Variants in SEMA3A observed in about 807,000 individuals in gnomAD.
SEMA3A encodes semaphorin-3A.
In SEMA3A, 29 loss-of-function variants were observed where a neutral mutation model predicts 97.9. That is an observed-to-expected ratio of 0.30 (90% CI 0.22 to 0.40). The LOEUF (loss-of-function observed/expected upper bound fraction) is 0.40, where lower values mean the gene tolerates loss of function less well. Ranked by LOEUF, SEMA3A falls within the 10% of genes least tolerant of loss-of-function variation. The pLI, the probability that SEMA3A is intolerant of heterozygous loss-of-function variation, is 1.00. For synonymous variants in SEMA3A, 321 were observed against 323.7 expected (o/e 0.99, Z 0.09); for missense variants, 763 against 951.3 (o/e 0.80, Z 2.60).
At chr7:84,182,017 T>C (rs1321936920) in intron 1 of SEMA3A, among the ~76,000 whole-genome samples, 1 of 152,160 alleles carries the variant, frequency 6.6e-6, no homozygotes, top group African/African-American at 2.4e-5. Context: ...TAATGACGTC[T>C]AGATTTCTCA....
intron 3 of SEMA3A, among the ~76,000 whole-genome samples, chr7:84,284,719 G>T (rs1313470175): frequency 6.6e-6 from 1 of 152,128 alleles, no homozygotes; most frequent in Non-Finnish European, 1.5e-5. Flanking sequence ...GATAACAAGG[G>T]TCATGAAGGA....
chr7:84,248,309 T>A (rs1031778868), intron 3 of SEMA3A, among the ~76,000 whole-genome samples: 15 of 152,362 alleles, frequency 9.8e-5, no homozygotes, highest in Admixed American at 9.2e-4. Flanking sequence ...AATGGATTTT[T>A]TTAAGGTACT....
intron 1 of SEMA3A, among the ~76,000 whole-genome samples, chr7:84,179,906 T>C (rs1371442389): frequency 6.8e-6 from 1 of 146,992 alleles, no homozygotes; most frequent in Non-Finnish European, 1.5e-5. Context: ...GAGTTTTCTC[T>C]CTTCTGGCAA....
At chr7:84,314,396 T>A (rs1801443271) in intron 2 of SEMA3A, among the ~76,000 whole-genome samples, 1 of 152,122 alleles carries the variant, frequency 6.6e-6, no homozygotes, top group Admixed American at 6.6e-5. Flanking sequence ...ATATGACATG[T>A]AGTGTAATGG....
intron 1 of SEMA3A, among the ~76,000 whole-genome samples, chr7:84,149,832 A>G (rs1796574364): frequency 6.6e-6 from 1 of 152,210 alleles, no homozygotes; most frequent in African/African-American, 2.4e-5. Context: ...ATTAGTTTGA[A>G]GGCAGAGAAT....
At chr7:84,095,358 C>CACATATATATATACAT (rs1211794166) in intron 4 of SEMA3A, among the ~76,000 whole-genome samples, 5 of 122,904 alleles carry the variant, frequency 4.1e-5, no homozygotes, top group Non-Finnish European at 6.5e-5. Context: ...TTTTTATATA[C>CACATATATATATACAT]ATATATATAT....
intron 2 of SEMA3A, among the ~76,000 whole-genome samples, chr7:84,352,521 A>G (rs1802463546): frequency 6.6e-6 from 1 of 151,808 alleles, no homozygotes; most frequent in Non-Finnish European, 1.5e-5. Flanking sequence ...CCTACTATGT[A>G]CCCATAAAAA....
In SEMA3A at chr7:84,414,394, T is replaced by TAA. The variant is rs34408044; in HGVS notation, c.-245-42496_-245-42495dup. Reference sequence around the variant, plus strand: ...CACATGATAAATAATTGGCTAAAAGTAAAAAAAAAAAAAAAACAGTATTGT... The same window carrying TAA: ...CACATGATAAATAATTGGCTAAAAGTAAAAAAAAAAAAAAAAAACAGTATTGT... On this transcript the variant is annotated intron_variant, in intron 1 of 3. Coordinates refer to the SEMA3A transcript ENST00000424555. Among the ~76,000 whole-genome samples the TAA allele has an allele frequency of 1.3e-3, 143 of 112,256 alleles. 2 individuals are homozygous for TAA. The highest frequency in any genetic ancestry group is 3.2e-3 in the African/African-American group (97 of 30,400). 73.6% of individuals were successfully genotyped at this position (112,256 alleles called of 152,430 possible). A position where few individuals can be genotyped will look rare whatever the true frequency, so the allele number is the denominator to read the frequency against.
chr7:84,046,975 A>C (rs1368176132), intron 5 of SEMA3A, among the ~76,000 whole-genome samples: 3 of 152,014 alleles, frequency 2.0e-5, no homozygotes, highest in African/African-American at 7.2e-5. Context: ...GAAATAACTA[A>C]TATTTTTCTT....
chr7:83,980,623 A>AAAAAAAAAAAACAAAAAATAT (rs1310318006), intron 14 of SEMA3A, among the ~76,000 whole-genome samples: 1 of 71,762 alleles, frequency 1.4e-5, no homozygotes, highest in South Asian at 3.9e-4. Context: ...AAAAAAAAAA[A>AAAAAAAAAAAACAAAAAATAT]ATATATATAT....
At chr7:84,332,693 ACACACG>A (rs1231289849) in intron 2 of SEMA3A, among the ~76,000 whole-genome samples, 1 of 148,118 alleles carries the variant, frequency 6.8e-6, no homozygotes, top group Admixed American at 7.0e-5. Context: ...ACACACACAC[ACACACG>A]TATGTATAAA....
chr7:84,029,099 C>T (rs1263958842), intron 6 of SEMA3A, among the ~76,000 whole-genome samples: 1 of 152,168 alleles, frequency 6.6e-6, no homozygotes, highest in East Asian at 1.9e-4. Flanking sequence ...AAGGAAAGTG[C>T]TGGGCATATT....
chr7:84,117,827 T>C (rs1374714259), intron 3 of SEMA3A, among the ~76,000 whole-genome samples: 2 of 152,224 alleles, frequency 1.3e-5, no homozygotes, highest in Admixed American at 6.5e-5. Flanking sequence ...TGTGTGACTA[T>C]AAGAAAGTTA....
chr7:84,274,231 A>AG (rs1800232988), intron 3 of SEMA3A, among the ~76,000 whole-genome samples: 1 of 151,226 alleles, frequency 6.6e-6, no homozygotes, highest in Non-Finnish European at 1.5e-5. Context: ...TGGTTTGCAA[A>AG]GGGGCCTCTA....
At chr7:84,211,005 T>G (rs531146579) in intron 3 of SEMA3A, among the ~76,000 whole-genome samples, 11 of 152,212 alleles carry the variant, frequency 7.2e-5, no homozygotes, top group Non-Finnish European at 1.3e-4. Flanking sequence ...CAAAAACTTT[T>G]TGTTCATGTT....
intron 1 of SEMA3A, among the ~76,000 whole-genome samples, chr7:84,430,446 T>C (rs553255355): frequency 2.0e-5 from 3 of 152,096 alleles, no homozygotes; most frequent in East Asian, 1.9e-4. Flanking sequence ...TTGACAAACA[T>C]GGTTGTTAAA....
intron 14 of SEMA3A, among the ~76,000 whole-genome samples, chr7:83,980,269 A>C (rs1054072470): frequency 5.9e-5 from 9 of 152,214 alleles, no homozygotes; most frequent in African/African-American, 1.9e-4. Context: ...GTCCAAAAAA[A>C]TACTTTTAAG....
chr7:84,443,342 CAAAT>C (rs942952176), intron 1 of SEMA3A, among the ~76,000 whole-genome samples: 36 of 152,216 alleles, frequency 2.4e-4, no homozygotes, highest in African/African-American at 8.2e-4. Flanking sequence ...CTTTATTTCT[CAAAT>C]AAATTCCATC....
chr7:84,203,502 G>GTATA (rs1178194583), intron 3 of SEMA3A, among the ~76,000 whole-genome samples: 80 of 57,002 alleles, frequency 1.4e-3, no homozygotes, highest in African/African-American at 3.1e-3. Context: ...TTGTGTGTGT[G>GTATA]TATATATATA....
Sources: gnomAD v4.1 joint callset for allele counts (sites outside exome capture counted in the v4.1 genomes callset) on GRCh38, gnomAD v4.1.1 for gene constraint, MANE v1.5 for transcripts, NCBI Gene and HGNC (gene_info 2026-07-23, HGNC 2026-07-21) for gene names.